Variants in INSR observed in about 807,000 individuals in gnomAD.
The protein encoded by INSR is IR.
Under a neutral mutation model 142.6 loss-of-function variants are expected in INSR, and 67 were observed. The ratio of observed to expected loss-of-function variants is 0.47; its 90% CI spans 0.39 to 0.58. INSR has a LOEUF of 0.58. Among genes scored for constraint, INSR ranks in the 20% least tolerant of loss-of-function variants. The pLI is 0.00. For missense variants in INSR, 1,248 were observed against 1,833.2 expected, an observed-to-expected ratio of 0.68 and a Z score of 5.83; for synonymous variants, 756 against 743.1, an observed-to-expected ratio of 1.02 and a Z score of -0.28.
chr19:7,155,708 T>C (rs553842274), intron 9 of INSR, among the ~76,000 whole-genome samples: 1 of 148,684 alleles, frequency 6.7e-6, no homozygotes, highest in African/African-American at 2.5e-5. Flanking sequence ...AGCCCAGGAG[T>C]TCAAGATAAG....
intron 4 of INSR, among the ~76,000 whole-genome samples, chr19:7,172,718 A>G (rs2038197904): frequency 6.6e-6 from 1 of 151,910 alleles, no homozygotes; most frequent in South Asian, 2.1e-4. Context: ...CTCCTTTCCC[A>G]TACCAGAGAC....
chr19:7,164,244 C>T (rs908083615), intron 8 of INSR, among the ~76,000 whole-genome samples: 4 of 152,124 alleles, frequency 2.6e-5, no homozygotes, highest in African/African-American at 9.7e-5. Context: ...GCCTCTCTGG[C>T]TTCCGCCCAC....
At chr19:7,240,353 C>A (rs1036249040) in intron 2 of INSR, among the ~76,000 whole-genome samples, 1 of 151,900 alleles carries the variant, frequency 6.6e-6, no homozygotes, top group African/African-American at 2.4e-5. Context: ...GAGGCTGAGG[C>A]AGGTGGATTA....
chr19:7,130,471 C>A (rs1187604924), intron 14 of INSR, among the ~76,000 whole-genome samples: 1 of 152,128 alleles, frequency 6.6e-6, no homozygotes, highest in Non-Finnish European at 1.5e-5. Context: ...GAGGAGTGGC[C>A]GGGTGGGAGG....
At chr19:7,236,766 C>A (rs758481728) in intron 2 of INSR, among the ~76,000 whole-genome samples, 43 of 152,160 alleles carry the variant, frequency 2.8e-4, no homozygotes, top group Non-Finnish European at 4.6e-4. Context: ...GTGGCTCATG[C>A]CTGTAATCTC....
chr19:7,165,428 G>A (rs949758828), intron 8 of INSR, among the ~76,000 whole-genome samples: 1 of 152,110 alleles, frequency 6.6e-6, no homozygotes, highest in Admixed American at 6.6e-5. Context: ...GCTGGGAGGC[G>A]GCTAACTATG....
chr19:7,237,223 T>A (rs1357832518), intron 2 of INSR, among the ~76,000 whole-genome samples: 1 of 151,392 alleles, frequency 6.6e-6, no homozygotes, highest in Non-Finnish European at 1.5e-5. Context: ...CCTATGGAAA[T>A]AAACAAAAAA....
intron 2 of INSR, among the ~76,000 whole-genome samples, chr19:7,223,950 ATTT>A (rs10533917): frequency 0.37 from 54,984 of 148,014 alleles, 10,575 homozygotes; most frequent in Non-Finnish European, 0.43. Context: ...ACAAAAAAAA[ATTT>A]TTTTTTTTTT....
intron 2 of INSR, among the ~76,000 whole-genome samples, chr19:7,232,288 T>G (rs1444168184): frequency 6.6e-6 from 1 of 152,056 alleles, no homozygotes; most frequent in Non-Finnish European, 1.5e-5. Context: ...CTTGGCTCAC[T>G]GCAACCTCCG....
intron 2 of INSR, among the ~76,000 whole-genome samples, chr19:7,221,112 G>A (rs58096320): frequency 1.3e-5 from 2 of 152,086 alleles, no homozygotes; most frequent in Non-Finnish European, 2.9e-5. Context: ...AGTGGCTCAC[G>A]CCTGTAATCC....
At chr19:7,151,092 T>C in intron 10 of INSR, among the ~76,000 whole-genome samples, 1 of 149,950 alleles carries the variant, frequency 6.7e-6, no homozygotes, top group Non-Finnish European at 1.5e-5. Context: ...CTTCCTTCCT[T>C]CCCTCCTCTC....
At position 7,112,682 on chromosome 19, in the gene INSR, C is replaced by T. The variant is rs886054660; in HGVS notation, c.*4374G>A. On this transcript the variant is annotated 3_prime_UTR_variant, in exon 22 of 22. Coordinates refer to ENST00000302850, the MANE Select transcript of INSR (RefSeq NM_000208.4). ...ACAAGGATTTTCAGTGGCCCGCACC[C>T]AGATAGAAATTTGGCTGGTGGCTGG... is the stretch of plus-strand genomic sequence containing the variant. 5.9e-5 allele frequency: 9 copies of T among 152,102 alleles called. No homozygotes were observed. The East Asian group carries it at 1.7e-3, about 29-fold the overall frequency. 9.4% of individuals were successfully genotyped at this position (152,102 alleles called of 1,614,324 possible).
chr19:7,172,269 C>T (rs760326937), intron 5 of INSR, 21 bp downstream of exon 5: 3 of 1,613,514 alleles, frequency 1.9e-6, no homozygotes, highest in South Asian at 1.1e-5. Context: ...TCAGGCCATA[C>T]ACACAATCAG....
At chr19:7,171,917 C>CTTTTTTTT (rs375076576) in intron 5 of INSR, among the ~76,000 whole-genome samples, 1 of 137,592 alleles carries the variant, frequency 7.3e-6, no homozygotes, top group Non-Finnish European at 1.6e-5. Flanking sequence ...CTTTTCTTTT[C>CTTTTTTTT]TTTTTTTTTT....
intron 1 of INSR, among the ~76,000 whole-genome samples, chr19:7,287,865 G>A (rs1481152474): frequency 1.3e-5 from 2 of 152,210 alleles, no homozygotes; most frequent in Non-Finnish European, 2.9e-5. Context: ...AAGGGCCAAA[G>A]TGTAAATATT....
At chr19:7,200,237 G>A (rs994361663) in intron 2 of INSR, among the ~76,000 whole-genome samples, 1 of 152,210 alleles carries the variant, frequency 6.6e-6, no homozygotes, top group African/African-American at 2.4e-5. Flanking sequence ...TGAGGAAGTT[G>A]AGAGGCAGAG....
rs3745544 is a variant in INSR, at chr19:7,267,928, G to A, written c.101-32C>T. Reference sequence around the variant, plus strand: ...GAGAAAATGAACAGAAAGCAAGACAGGTGAGCAGACGCACGGTGGATGCAT... The same window carrying A: ...GAGAAAATGAACAGAAAGCAAGACAAGTGAGCAGACGCACGGTGGATGCAT... On this transcript the variant is annotated intron_variant, in intron 1 of 21. Coordinates refer to ENST00000302850, the MANE Select transcript of INSR (RefSeq NM_000208.4). This position sits in a 1 kb window ranked among gnomAD's most constrained non-coding sequence, Gnocchi z 6.3. 0.012 allele frequency: 19,615 copies of A among 1,587,108 alleles called. 1,599 individuals are homozygous for A. The East Asian group carries it at 0.21, about 17-fold the overall frequency.
chr19:7,268,407 T>C (rs1037481072), intron 1 of INSR: 2 of 984,082 alleles, frequency 2.0e-6, no homozygotes, highest in East Asian at 1.1e-4. Context: ...CCTAATTACC[T>C]TTTACCTGGG....
intron 2 of INSR, among the ~76,000 whole-genome samples, chr19:7,208,783 A>C (rs1186007542): frequency 6.6e-6 from 1 of 151,662 alleles, no homozygotes; most frequent in Non-Finnish European, 1.5e-5. Flanking sequence ...AAGTGGGCGG[A>C]TCACGAGGTC....
Sources: gnomAD v4.1 joint callset for allele counts (sites outside exome capture counted in the v4.1 genomes callset) on GRCh38, gnomAD v4.1.1 for gene constraint, Gnocchi (gnomAD v3.1) non-coding constraint, MANE v1.5 for transcripts, NCBI Gene and HGNC (gene_info 2026-07-23, HGNC 2026-07-21) for gene names.